The following MAGI1 variants were observed in gnomAD, a reference collection of about 807,000 sequenced individuals.
The protein encoded by MAGI1 is membrane-associated guanylate kinase, WW and PDZ domain-containing protein 1.
A neutral mutation model predicts 139.9 loss-of-function variants in MAGI1; 58 were observed. The ratio of observed to expected loss-of-function variants is 0.41; its 90% CI spans 0.34 to 0.52. The LOEUF (loss-of-function observed/expected upper bound fraction) is 0.52. MAGI1 is among the 20% of genes least tolerant of loss of function. The pLI, the probability that MAGI1 is intolerant of heterozygous loss-of-function variation, is 0.12. For missense variants in MAGI1, 1,874 were observed against 1,901.6 expected, an observed-to-expected ratio of 0.99 and a Z score of 0.27; for synonymous variants, 812 against 737.9, an observed-to-expected ratio of 1.10 and a Z score of -1.63.
intron 1 of MAGI1, among the ~76,000 whole-genome samples, chr3:65,856,370 T>C (rs1379054425): frequency 6.6e-6 from 1 of 152,130 alleles, no homozygotes; most frequent in Non-Finnish European, 1.5e-5. Flanking sequence ...CCCACAACCC[T>C]GTAACATACC....
intron 1 of MAGI1, among the ~76,000 whole-genome samples, chr3:65,670,295 C>T (rs2086775161): frequency 6.6e-6 from 1 of 151,490 alleles, no homozygotes; most frequent in South Asian, 2.1e-4. Flanking sequence ...CATATATATG[C>T]ATATACATAC....
chr3:66,002,068 T>C (rs528741064), intron 1 of MAGI1, among the ~76,000 whole-genome samples: 108 of 152,260 alleles, frequency 7.1e-4, no homozygotes, highest in African/African-American at 2.5e-3. Flanking sequence ...ATTTCATAGA[T>C]TGAGTCTCAT....
intron 1 of MAGI1, among the ~76,000 whole-genome samples, chr3:66,030,814 T>G (rs2068548711): frequency 6.6e-6 from 1 of 152,186 alleles, no homozygotes; most frequent in African/African-American, 2.4e-5. Context: ...TAATAATGGA[T>G]TATTCCATTA....
intron 20 of MAGI1, among the ~76,000 whole-genome samples, chr3:65,364,092 G>A (rs1188502496): frequency 8.0e-5 from 12 of 150,564 alleles, no homozygotes; most frequent in African/African-American, 2.9e-4. Context: ...TACTCAGGAG[G>A]CTGAGACAGG....
chr3:65,939,281 C>A (rs963465073), intron 1 of MAGI1, among the ~76,000 whole-genome samples: 1 of 152,092 alleles, frequency 6.6e-6, no homozygotes, highest in Non-Finnish European at 1.5e-5. Flanking sequence ...TTCCTATGGG[C>A]AGGAAGACTC....
chr3:65,953,452 G>A lies in MAGI1; in HGVS notation c.313+84544C>T, dbSNP rs565250844. Among the ~76,000 whole-genome samples the A allele has an allele frequency of 7.2e-5, 11 of 152,288 alleles. No individual in the cohort carries two copies. The South Asian group carries it at 1.5e-3, about 20-fold the overall frequency. ...AACTTCACCTCCCCAGCCTGAGAGC[G>A]ATTACACACATACTTGGGATTTAAC... On this transcript the variant is annotated intron_variant, in intron 1 of 22. Coordinates refer to ENST00000402939, the MANE Select transcript of MAGI1 (RefSeq NM_001033057.2).
intron 2 of MAGI1, among the ~76,000 whole-genome samples, chr3:65,539,499 T>C (rs1353703032): frequency 6.6e-6 from 1 of 152,216 alleles, no homozygotes. Flanking sequence ...ATGGATACCG[T>C]GTTCTCTGGG....
chr3:65,452,827 A>G (rs1375299520), intron 6 of MAGI1: 1 of 160,024 alleles, frequency 6.2e-6, no homozygotes, highest in Non-Finnish European at 1.4e-5. Flanking sequence ...AAGACTAGGG[A>G]AGTATGTGAA....
intron 1 of MAGI1, among the ~76,000 whole-genome samples, chr3:65,843,328 C>T (rs955552554): frequency 1.3e-5 from 2 of 152,094 alleles, no homozygotes; most frequent in African/African-American, 2.4e-5. Flanking sequence ...GGAGATTCCC[C>T]CACCATCCCA....
At chr3:65,761,563 T>G (rs995733934) in intron 1 of MAGI1, among the ~76,000 whole-genome samples, 3 of 152,184 alleles carry the variant, frequency 2.0e-5, no homozygotes, top group Admixed American at 6.5e-5. Context: ...TCTTTTCTAG[T>G]GGCAAACGCA....
chr3:65,523,861 T>G (rs1403987539), intron 2 of MAGI1, among the ~76,000 whole-genome samples: 1 of 152,150 alleles, frequency 6.6e-6, no homozygotes, highest in African/African-American at 2.4e-5. Flanking sequence ...GCACAAATAC[T>G]TTCAGAGTAA....
At chr3:65,980,517 C>T (rs2065514817) in intron 1 of MAGI1, among the ~76,000 whole-genome samples, 1 of 150,116 alleles carries the variant, frequency 6.7e-6, no homozygotes, top group Non-Finnish European at 1.5e-5. Flanking sequence ...GAGCCAAGAT[C>T]GCCCTACTGT....
intron 1 of MAGI1, among the ~76,000 whole-genome samples, chr3:65,731,542 C>T (rs1458025588): frequency 4.0e-5 from 6 of 150,552 alleles, no homozygotes; most frequent in African/African-American, 7.3e-5. Flanking sequence ...GTAGTCCCAG[C>T]TACTGGGGCG....
intron 1 of MAGI1, among the ~76,000 whole-genome samples, chr3:65,696,766 G>A (rs2089233983): frequency 6.6e-6 from 1 of 152,034 alleles, no homozygotes; most frequent in African/African-American, 2.4e-5. Flanking sequence ...AACAAGAATA[G>A]GGGAAAAGCC....
intron 1 of MAGI1, among the ~76,000 whole-genome samples, chr3:65,824,962 G>A (rs2042144290): frequency 6.6e-6 from 1 of 152,178 alleles, no homozygotes; most frequent in African/African-American, 2.4e-5. Flanking sequence ...AAAGAAGCAT[G>A]TCTGTACTCC....
intron 1 of MAGI1, among the ~76,000 whole-genome samples, chr3:66,029,860 T>G (rs1267067416): frequency 1.3e-5 from 2 of 152,200 alleles, no homozygotes; most frequent in African/African-American, 4.8e-5. Flanking sequence ...TATCCCTAAC[T>G]CGACAAGATC....
intron 1 of MAGI1, among the ~76,000 whole-genome samples, chr3:65,962,757 A>G (rs542130269): frequency 1.5e-3 from 218 of 149,764 alleles, no homozygotes; most frequent in Admixed American, 4.4e-3. Flanking sequence ...CATGGGAGGC[A>G]GAGGTTGCAG....
intron 1 of MAGI1, among the ~76,000 whole-genome samples, chr3:65,958,028 G>T (rs1434094429): frequency 6.6e-6 from 1 of 152,090 alleles, no homozygotes; most frequent in Admixed American, 6.6e-5. Flanking sequence ...CAAAGTGCTG[G>T]AATTACAGGT....
At chr3:65,759,435 G>A (rs1213097161) in intron 1 of MAGI1, among the ~76,000 whole-genome samples, 1 of 152,190 alleles carries the variant, frequency 6.6e-6, no homozygotes, top group Non-Finnish European at 1.5e-5. Flanking sequence ...AGCTGCTCTT[G>A]TTATTCTTAT....
Sources: gnomAD v4.1 joint callset for allele counts (sites outside exome capture counted in the v4.1 genomes callset) on GRCh38, gnomAD v4.1.1 for gene constraint, MANE v1.5 for transcripts, NCBI Gene and HGNC (gene_info 2026-07-23, HGNC 2026-07-21) for gene names.